Variants in DNMBP observed in about 807,000 individuals in gnomAD.
DNMBP encodes dynamin-binding protein.
DNMBP carries 87 observed loss-of-function variants against 150.0 expected under a neutral mutation model. The observed-to-expected ratio is 0.58, with a 90% CI of 0.49 to 0.69. The LOEUF is 0.69. Ranked by LOEUF, DNMBP falls within the 30% of genes least tolerant of loss-of-function variation. The pLI is 0.00. For synonymous variants in DNMBP, 711 were observed against 750.4 expected, an observed-to-expected ratio of 0.95 and a Z score of 0.86; for missense variants, 1,774 against 1,949.0, an observed-to-expected ratio of 0.91 and a Z score of 1.69.
chr10:99,980,667 C>T (rs2040772783), intron 1 of DNMBP, among the ~76,000 whole-genome samples: 1 of 151,754 alleles, frequency 6.6e-6, no homozygotes, highest in African/African-American at 2.4e-5. Context: ...TAGCTGGGCG[C>T]AGTGGCAGGT....
chr10:99,933,778 T>C (rs563509441), intron 4 of DNMBP, among the ~76,000 whole-genome samples: 18 of 152,250 alleles, frequency 1.2e-4, no homozygotes, highest in East Asian at 1.2e-3. Context: ...GCTCTATCAC[T>C]CAGGCTGGAG....
chr10:99,924,749 T>C (rs1379889800), intron 4 of DNMBP, among the ~76,000 whole-genome samples: 8 of 152,234 alleles, frequency 5.3e-5, no homozygotes, highest in Non-Finnish European at 2.9e-5. Flanking sequence ...TTGGAACAGA[T>C]ATCATGTTCA....
intron 3 of DNMBP, among the ~76,000 whole-genome samples, chr10:99,966,959 A>C (rs1436289995): frequency 6.7e-6 from 1 of 148,178 alleles, no homozygotes; most frequent in Non-Finnish European, 1.5e-5. Flanking sequence ...TGGCTAATTT[A>C]ATTTTTTTTT....
intron 5 of DNMBP, among the ~76,000 whole-genome samples, chr10:99,908,574 C>T (rs1244054009): frequency 6.6e-6 from 1 of 152,160 alleles, no homozygotes; most frequent in Non-Finnish European, 1.5e-5. Flanking sequence ...TAAGGGTTTC[C>T]TGGATAAACT....
chr10:99,954,673 G>A (rs984138652), intron 4 of DNMBP, among the ~76,000 whole-genome samples: 3 of 150,998 alleles, frequency 2.0e-5, no homozygotes, highest in Non-Finnish European at 2.9e-5. Context: ...GAACCTGGGA[G>A]GCAGAGGTTG....
rs148968752 is a variant in DNMBP at position 99,880,172 on chromosome 10, G to A, written c.4187C>T (p.Ser1396Leu). ...TTGAGGCTGCTTCTGGCAAGACCCC[G>A]AGGTAAAGGATACAGCCATGCTGCT... The part of the protein sequence containing the change: ...NPSSMAVSFT[S>L]GSCQKQPQDA... The change falls in exon 16 of 17, where the codon TCG becomes TTG. Residue 1396 changes from serine to leucine, a missense_variant. Ser to Leu is a moderately radical substitution (Grantham distance 145). Around this residue, in one of 2 missense-constraint regions of DNMBP, gnomAD observed 1,430 missense variants for 1,492.5 expected, o/e 0.96. Coordinates refer to ENST00000324109, the MANE Select transcript of DNMBP (RefSeq NM_015221.4). 1.0e-4 allele frequency: 165 copies of A among 1,614,184 alleles called. No individual in the cohort carries two copies. Among genetic ancestry groups the A allele is most frequent in the East Asian group, 3.6e-4 (16 of 44,872 alleles).
Position 99,955,840 on chromosome 10 carries a change from C to T in DNMBP, c.1634G>A (p.Ser545Asn), listed in dbSNP as rs1255382495. 6.2e-7 allele frequency: 1 copy of T among 1,614,244 alleles called. No homozygotes were observed. The highest frequency in any genetic ancestry group is 1.7e-5 in the Admixed American group (1 of 60,036). Reference protein sequence around the residue: ...EAATHSQGDGSTDLDSKLTQQ... With the variant: ...EAATHSQGDGNTDLDSKLTQQ... ...TGTCAGCTTCGAGTCCAGGTCAGTGCTGCCGTCTCCCTGTGAATGTGTTGC... is the reference window on the plus strand; with the variant it reads ...TGTCAGCTTCGAGTCCAGGTCAGTGTTGCCGTCTCCCTGTGAATGTGTTGC... The change falls in exon 4 of 17, where the codon AGC becomes AAC. Residue 545 changes from serine (S) to asparagine (N), a missense_variant. Physicochemically the swap from Ser to Asn is conservative, Grantham distance 46 (BLOSUM62 1). Coordinates refer to ENST00000324109, the MANE Select transcript of DNMBP (RefSeq NM_015221.4).
At chr10:99,966,782 C>A (rs887157232) in intron 3 of DNMBP, among the ~76,000 whole-genome samples, 2 of 151,776 alleles carry the variant, frequency 1.3e-5, no homozygotes, top group African/African-American at 4.8e-5. Flanking sequence ...CTCGTTAATA[C>A]GTTTTGTTTT....
intron 4 of DNMBP, among the ~76,000 whole-genome samples, chr10:99,923,133 G>A (rs2040041709): frequency 6.6e-6 from 1 of 152,126 alleles, no homozygotes; most frequent in African/African-American, 2.4e-5. Context: ...GCTCACACCT[G>A]TAATCCTAGC....
chr10:99,960,298 A>C (rs1253731141), intron 3 of DNMBP, among the ~76,000 whole-genome samples: 1 of 152,158 alleles, frequency 6.6e-6, no homozygotes, highest in African/African-American at 2.4e-5. Context: ...TCTTACAGTT[A>C]AGATTAAAGT....
In DNMBP at chr10:99,955,483, G is replaced by C. The variant is rs2040476116; in HGVS notation, c.1991C>G (p.Ser664Cys). The change falls in exon 4 of 17, where the codon TCT becomes TGT. Residue 664 changes from serine (S) to cysteine (C), a missense_variant. Physicochemically the swap from Ser to Cys is moderately radical, Grantham distance 112. Transcript: ENST00000324109. Reference sequence around the variant, plus strand: ...GGTCTCACAGGTAGGACGGTGTCGAGATAGGAGCTTGGGGGATACCGCATT... The same window carrying C: ...GGTCTCACAGGTAGGACGGTGTCGACATAGGAGCTTGGGGGATACCGCATT... ...RTNAVSPKLL[S>C]RHRPTCETLE... 3 of 1,603,796 alleles carry C rather than the reference G, an allele frequency of 1.9e-6. No individual in the cohort carries two copies. Among genetic ancestry groups the C allele is most frequent in the Non-Finnish European group, 2.6e-6 (3 of 1,174,462 alleles).
intron 16 of DNMBP, among the ~76,000 whole-genome samples, chr10:99,878,022 G>A (rs1226231177): frequency 6.6e-6 from 1 of 152,138 alleles, no homozygotes; most frequent in African/African-American, 2.4e-5. Context: ...CAGAGGTTGT[G>A]GCAGGAGAAT....
intron 6 of DNMBP, 54 bp from the exon 7 acceptor site, chr10:99,900,120 A>C: frequency 8.1e-6 from 13 of 1,601,918 alleles, no homozygotes; most frequent in South Asian, 1.1e-5. Flanking sequence ...TTCTCAGTAT[A>C]CTAAATGTAA....
intron 4 of DNMBP, among the ~76,000 whole-genome samples, chr10:99,935,141 A>C (rs1307024528): frequency 6.6e-6 from 1 of 151,462 alleles, no homozygotes; most frequent in Non-Finnish European, 1.5e-5. Flanking sequence ...AAATATTTTG[A>C]AAGAAGGAAT....
intron 12 of DNMBP, 75 bp from the exon 13 acceptor site, chr10:99,886,707 G>A: frequency 7.0e-7 from 1 of 1,430,246 alleles, no homozygotes; most frequent in East Asian, 2.3e-5. Context: ...CACTCTTAAG[G>A]CTGACTTTGT....
intron 4 of DNMBP, among the ~76,000 whole-genome samples, chr10:99,923,932 C>T (rs2040050417): frequency 6.6e-6 from 1 of 152,130 alleles, no homozygotes; most frequent in Admixed American, 6.5e-5. Flanking sequence ...ATGGGTGGAT[C>T]ACCTGAAGCC....
chr10:99,992,860 T>G (rs989036978), intron 1 of DNMBP, among the ~76,000 whole-genome samples: 2 of 151,980 alleles, frequency 1.3e-5, no homozygotes, highest in Admixed American at 1.3e-4. Flanking sequence ...CTGGGCAACA[T>G]GGTGAAATCT....
intron 15 of DNMBP, among the ~76,000 whole-genome samples, chr10:99,881,207 A>G (rs1444370134): frequency 6.6e-6 from 1 of 152,092 alleles, no homozygotes; most frequent in African/African-American, 2.4e-5. Context: ...CAACCTGGGC[A>G]ACAAGAACGA....
chr10:99,964,668 C>G (rs967732333), intron 3 of DNMBP, among the ~76,000 whole-genome samples: 1 of 151,238 alleles, frequency 6.6e-6, no homozygotes, highest in Non-Finnish European at 1.5e-5. Context: ...GTCAGGAGTT[C>G]GAGACCAGCT....
Sources: allele counts gnomAD v4.1 joint callset (sites outside exome capture counted in the v4.1 genomes callset), GRCh38; gene constraint gnomAD v4.1.1; regional missense constraint gnomAD v4.1.1; transcripts MANE v1.5; gene names NCBI Gene and HGNC (gene_info 2026-07-23, HGNC 2026-07-21).